MROH2B: variants seen among roughly 807,000 people sequenced by gnomAD.
MROH2B encodes the protein maestro heat-like repeat-containing protein family member 2B.
In MROH2B, 177 loss-of-function variants were observed where a neutral mutation model predicts 208.6. The ratio of observed to expected loss-of-function variants is 0.85; its 90% confidence interval spans 0.75 to 0.96. The LOEUF is 0.96. Among genes scored for constraint, MROH2B ranks in the 40% least tolerant of loss-of-function variants. MROH2B has a pLI of 0.00. For synonymous variants in MROH2B, 728 were observed against 659.0 expected, an observed-to-expected ratio of 1.10 and a Z score of -1.60; for missense variants, 2,002 against 1,878.7, an observed-to-expected ratio of 1.07 and a Z score of -1.21.
chr5:40,998,819 C>A (rs939458344), intron 40 of MROH2B, 142 bp from the exon 41 acceptor site: 2 of 646,152 alleles, frequency 3.1e-6, no homozygotes, highest in African/African-American at 1.8e-5. Flanking sequence ...CCTTTGCACC[C>A]CCTAGAATGA....
intron 31 of MROH2B, 29 bp downstream of exon 31, chr5:41,009,893 G>A: frequency 3.2e-6 from 5 of 1,583,116 alleles, no homozygotes; most frequent in Non-Finnish European, 4.3e-6. Flanking sequence ...CCTTCCCTAG[G>A]AGAAGGAATC....
rs372524136 is a variant in MROH2B, at chr5:41,018,383, T to C, written c.2721A>G (p.Arg907=). Reference sequence around the variant, plus strand: ...GCACTTTCGCAGTGATCTGGAAGGCTCTTTCTCTTTCCCACTCTTTTTGTG... The same window carrying C: ...GCACTTTCGCAGTGATCTGGAAGGCCCTTTCTCTTTCCCACTCTTTTTGTG... ...LVSQKEWERE[R]AFQITAKVLT... is the part of the protein sequence containing the mutation. Residue 907 remains arginine, a synonymous_variant, in exon 27 of 42, where the codon AGA becomes AGG. Coordinates refer to ENST00000399564, the MANE Select transcript of MROH2B (RefSeq NM_173489.5). The C allele has an allele frequency of 2.0e-5, 32 of 1,613,184 alleles. No homozygotes were observed. Among genetic ancestry groups the C allele is most frequent in the Non-Finnish European group, 2.6e-5 (31 of 1,179,766 alleles).
At chr5:41,025,647 T>A (rs1348117694) in intron 24 of MROH2B, among the ~76,000 whole-genome samples, 1 of 152,010 alleles carries the variant, frequency 6.6e-6, no homozygotes, top group Non-Finnish European at 1.5e-5. Context: ...ACTATTCCAA[T>A]CAATAGAAAA....
chr5:41,001,036 A>G (rs1741382815), intron 37 of MROH2B, among the ~76,000 whole-genome samples: 1 of 152,110 alleles, frequency 6.6e-6, no homozygotes, highest in South Asian at 2.1e-4. Context: ...ACATGAGTTT[A>G]AAAAACCCTG....
In MROH2B at chr5:41,012,656, G is replaced by T. The variant is rs1422357319; in HGVS notation, c.3062C>A (p.Pro1021His). The T allele has an allele frequency of 1.9e-6, 3 of 1,613,786 alleles. No individual in the cohort carries two copies. ...TATGCCACAGGCCTTTGTACAAGTG[G>T]GGTTGAGGCTCTCCAGACCGTCCAG... ...EMLDGLESLN[P>H]TCTKACGIWM... The change falls in exon 30 of 42, where the codon CCC (proline) becomes CAC (histidine). Residue 1021 changes from proline (P) to histidine (H), a missense_variant. By Grantham distance (77) the Pro-to-His change is moderately conservative. Transcript: ENST00000399564.
chr5:41,003,558 C>G (rs186894188), intron 37 of MROH2B, among the ~76,000 whole-genome samples: 34 of 152,232 alleles, frequency 2.2e-4, no homozygotes, highest in African/African-American at 7.9e-4. Flanking sequence ...AGAGTTCCAA[C>G]TCAGTCACAG....
chr5:41,026,223 T>C (rs1742354979), intron 24 of MROH2B, among the ~76,000 whole-genome samples: 1 of 152,086 alleles, frequency 6.6e-6, no homozygotes, highest in Non-Finnish European at 1.5e-5. Context: ...GGGTATTCAA[T>C]TAGGAAAAGA....
intron 34 of MROH2B, 61 bp from the exon 35 acceptor site, chr5:41,005,706 T>C (rs1213313341): frequency 1.5e-6 from 2 of 1,338,280 alleles, no homozygotes; most frequent in African/African-American, 2.9e-5. Flanking sequence ...AATCTTAGTC[T>C]GTTTGTTCAT....
At chr5:41,061,150 C>T (rs1378470672) in intron 6 of MROH2B, among the ~76,000 whole-genome samples, 2 of 152,180 alleles carry the variant, frequency 1.3e-5, no homozygotes, top group East Asian at 1.9e-4. Flanking sequence ...ACACAAGAAG[C>T]ACCTGTGGAC....
Position 41,004,931 on chromosome 5 carries a change from C to G in MROH2B, c.3865-11G>C, listed in dbSNP as rs368126293. ...TGGTTCCTTCATGAGCTGAAATAAT[C>G]AACACACTCCTCCCGTTTAGTTAAG... On this transcript the variant is annotated splice_polypyrimidine_tract_variant and intron_variant, in intron 35 of 41. Transcript: ENST00000399564. The G allele has an allele frequency of 2.4e-5, 39 of 1,612,850 alleles. No individual in the cohort carries two copies. Among genetic ancestry groups the G allele is most frequent in the Non-Finnish European group, 3.3e-5 (39 of 1,179,390 alleles).
chr5:41,032,899 C>T, intron 23 of MROH2B, 78 bp from the exon 24 acceptor site: 1 of 1,544,044 alleles, frequency 6.5e-7, no homozygotes, highest in South Asian at 1.2e-5. Flanking sequence ...CCTCATCAGA[C>T]CATTGGGTGC....
At chr5:41,036,062 A>G (rs1742747083) in intron 21 of MROH2B, among the ~76,000 whole-genome samples, 1 of 152,130 alleles carries the variant, frequency 6.6e-6, no homozygotes, top group Admixed American at 6.6e-5. Flanking sequence ...ATTATTCACA[A>G]TAGCAAAGAC....
intron 18 of MROH2B, among the ~76,000 whole-genome samples, chr5:41,043,893 A>G (rs947647849): frequency 3.3e-5 from 5 of 152,088 alleles, no homozygotes; most frequent in African/African-American, 9.7e-5. Context: ...AGCTTGGGCT[A>G]GCTTGCTAGA....
rs1470147273 is a variant in MROH2B, at chr5:41,066,515, C to T, written c.201+593G>A. Among the ~76,000 whole-genome samples the T allele has an allele frequency of 2.0e-5, 3 of 152,152 alleles. 1 individual carries two copies. The East Asian group carries it at 5.8e-4, about 29-fold the overall frequency. The stretch of plus-strand genomic sequence containing the variant: ...CCACCTCTTGTCTTTTGGGATAAGA[C>T]ACCAAAGGGCTGTGTTCAAATGAAA... On this transcript the variant is annotated intron_variant, in intron 3 of 41. Coordinates refer to ENST00000399564, the MANE Select transcript of MROH2B (RefSeq NM_173489.5).
chr5:41,070,711 G>T, intron 1 of MROH2B, 114 bp downstream of exon 1: 2 of 985,684 alleles, frequency 2.0e-6, no homozygotes, highest in Non-Finnish European at 3.1e-6. Context: ...ATCCTTTGAG[G>T]TGTACAGTCC....
At chr5:41,043,650 T>A (rs964876681) in intron 18 of MROH2B, among the ~76,000 whole-genome samples, 2 of 152,184 alleles carry the variant, frequency 1.3e-5, no homozygotes, top group African/African-American at 4.8e-5. Flanking sequence ...GGAGAAAATG[T>A]GGTAGAGTGC....
intron 41 of MROH2B, among the ~76,000 whole-genome samples, 185 bp downstream of exon 41, chr5:40,998,427 G>A (rs1741278525): frequency 6.6e-6 from 1 of 152,224 alleles, no homozygotes; most frequent in Non-Finnish European, 1.5e-5. Context: ...TCTGATGCCT[G>A]CAAAGGGCTG....
At position 41,038,877 on chromosome 5, in the gene MROH2B, A is replaced by G; in HGVS notation, c.2073T>C (p.Ser691=). The G allele has an allele frequency of 6.2e-7, 1 of 1,606,160 alleles. No individual in the cohort carries two copies. The highest frequency in any genetic ancestry group is 1.1e-5 in the South Asian group (1 of 90,080). ...FFMNRCKSLF[S]GKKSLTKTDV... is the part of the protein sequence containing the mutation. The stretch of plus-strand genomic sequence containing the variant: ...CTGTCTTGGTCAGGCTCTTTTTCCC[A>G]GAAAAAAGGCTCTGAAGACCAGGAA... Residue 691 remains serine, a synonymous_variant, in exon 21 of 42, where the codon TCT becomes TCC. Coordinates refer to ENST00000399564, the MANE Select transcript of MROH2B (RefSeq NM_173489.5).
intron 18 of MROH2B, among the ~76,000 whole-genome samples, chr5:41,044,733 A>C (rs1199174960): frequency 6.6e-6 from 1 of 152,242 alleles, no homozygotes; most frequent in Non-Finnish European, 1.5e-5. Context: ...TGAAAATTAC[A>C]TATGTGAGTT....
Sources: gnomAD v4.1 joint callset for allele counts (sites outside exome capture counted in the v4.1 genomes callset) on GRCh38, gnomAD v4.1.1 for gene constraint, MANE v1.5 for transcripts, NCBI Gene and HGNC (gene_info 2026-07-23, HGNC 2026-07-21) for gene names.